Variants in DMXL1 observed in about 807,000 individuals in gnomAD.
DMXL1 encodes Dmx like 1.
DMXL1 carries 99 observed loss-of-function variants against 319.2 expected under a neutral mutation model. The observed-to-expected ratio is 0.31, with a 90% CI of 0.26 to 0.37. DMXL1 has a LOEUF of 0.37. Ranked by LOEUF, DMXL1 falls within the 10% of genes least tolerant of loss-of-function variation. The pLI, the probability that DMXL1 is intolerant of heterozygous loss-of-function variation, is 1.00. For missense variants in DMXL1, 3,745 were observed against 3,595.6 expected (o/e 1.04, Z -1.06); for synonymous variants, 1,385 against 1,235.2 (o/e 1.12, Z -2.54).
At chr5:119,098,200 G>A (rs1756418202) in intron 2 of DMXL1, 96 bp downstream of exon 2, 6 of 1,411,906 alleles carry the variant, frequency 4.2e-6, no homozygotes, top group Non-Finnish European at 5.7e-6. Context: ...TTAGAGACTT[G>A]GCTTTGTTTC....
chr5:119,133,379 A>C lies in DMXL1; in HGVS notation c.1563A>C (p.Gln521His). The part of the protein sequence containing the change: ...LDEYQPGMFR[Q>H]VQVSFVSRIP... ...AATACCAGCCTGGTATGTTTCGTCA[A>C]GTACAGGTACTACTGTTATTTCTGG... Residue 521 changes from glutamine to histidine, a missense_variant, in exon 11 of 44, where the codon CAA (glutamine) becomes CAC (histidine). Gln to His is a conservative substitution (Grantham distance 24). Around this residue, in one of 4 missense-constraint regions of DMXL1, gnomAD observed 2,096 missense variants for 1,985.4 expected, o/e 1.06. Transcript: ENST00000539542. 6.2e-7 allele frequency: 1 copy of C among 1,611,594 alleles called. No homozygotes were observed. Among genetic ancestry groups the C allele is most frequent in the Non-Finnish European group, 8.5e-7 (1 of 1,177,970 alleles).
rs1790139374 is a variant in DMXL1 at position 119,248,791 on chromosome 5, A to G, written c.*1572A>G. The G allele has an allele frequency of 6.6e-6, 1 of 152,516 alleles. No individual in the cohort carries two copies. Among genetic ancestry groups the G allele is most frequent in the Non-Finnish European group, 1.5e-5 (1 of 67,930 alleles). The allele number at this position is 152,516 out of a possible 1,614,324, so 9.4% of individuals were successfully genotyped here. A position where few individuals can be genotyped will look rare whatever the true frequency, so the allele number is the denominator to read the frequency against. ...CACTGTCATTATGTAGAGAGTTTAT[A>G]TGCACATAATAACCTGTACCTATAA... On this transcript the variant is annotated 3_prime_UTR_variant, in exon 44 of 44. Coordinates refer to ENST00000539542, the MANE Select transcript of DMXL1 (RefSeq NM_001290321.3).
intron 10 of DMXL1, among the ~76,000 whole-genome samples, chr5:119,130,407 A>G (rs541043359): frequency 1.3e-5 from 2 of 152,094 alleles, no homozygotes; most frequent in South Asian, 2.1e-4. Context: ...CAGTGGCACA[A>G]TCTTGGCTCA....
At chr5:119,128,873 G>A (rs1425483856) in intron 9 of DMXL1, among the ~76,000 whole-genome samples, 1 of 152,182 alleles carries the variant, frequency 6.6e-6, no homozygotes, top group East Asian at 1.9e-4. Flanking sequence ...AGACCATCTT[G>A]GCCAGCGTGG....
At chr5:119,202,433 A>T (rs1057331823) in intron 32 of DMXL1, among the ~76,000 whole-genome samples, 2 of 152,184 alleles carry the variant, frequency 1.3e-5, no homozygotes, top group African/African-American at 2.4e-5. Context: ...TCCCACTGCA[A>T]GTTGACAGTC....
chr5:119,245,567 G>A (rs946849880), intron 43 of DMXL1, among the ~76,000 whole-genome samples: 1 of 145,466 alleles, frequency 6.9e-6, no homozygotes, highest in Non-Finnish European at 1.5e-5. Context: ...TTGAGACGGA[G>A]TCTTACTCTG....
rs1469921840 is a variant in DMXL1, at chr5:119,170,214, C to G, written c.5423C>G (p.Pro1808Arg). Residue 1808 changes from proline (P) to arginine (R), a missense_variant, in exon 24 of 44, where the codon CCT becomes CGT. Physicochemically the swap from Pro to Arg is moderately radical, Grantham distance 103. Coordinates refer to ENST00000539542, the MANE Select transcript of DMXL1 (RefSeq NM_001290321.3). The part of the protein sequence containing the change: ...NDDQVLSASN[P>R]TVFNFYNYLR... ...GATCAAGTTTTATCAGCCAGTAATC[C>G]TACAGTTTTTAATTTCTACAATTAT... 6.2e-7 allele frequency: 1 copy of G among 1,602,666 alleles called. No individual in the cohort carries two copies. The highest frequency in any genetic ancestry group is 1.7e-5 in the Admixed American group (1 of 57,402).
At chr5:119,202,805 C>T (rs565795538) in intron 32 of DMXL1, among the ~76,000 whole-genome samples, 125 of 148,854 alleles carry the variant, frequency 8.4e-4, no homozygotes, top group African/African-American at 2.9e-3. Flanking sequence ...GAGCCAAGAT[C>T]GCCCTGTTGC....
chr5:119,121,717 A>G (rs530238399), intron 9 of DMXL1, among the ~76,000 whole-genome samples: 16 of 152,296 alleles, frequency 1.1e-4, no homozygotes, highest in Middle Eastern at 3.4e-3. Flanking sequence ...CGATTTCTCA[A>G]TCTTTTCCCC....
intron 1 of DMXL1, among the ~76,000 whole-genome samples, chr5:119,084,381 A>G (rs1419694033): frequency 2.6e-5 from 4 of 152,044 alleles, no homozygotes; most frequent in South Asian, 2.1e-4. Context: ...CAGCCTCCCA[A>G]AATGTTGGGA....
chr5:119,184,017 T>G (rs1777243839), intron 28 of DMXL1, among the ~76,000 whole-genome samples: 2 of 151,800 alleles, frequency 1.3e-5, no homozygotes, highest in South Asian at 4.2e-4. Flanking sequence ...AATGCAACAT[T>G]CATTTATCTG....
chr5:119,087,042 T>A (rs1753530967), intron 1 of DMXL1, among the ~76,000 whole-genome samples: 1 of 152,130 alleles, frequency 6.6e-6, no homozygotes, highest in African/African-American at 2.4e-5. Context: ...TTGTTTTGTC[T>A]TCTATTTAAT....
chr5:119,242,433 A>T (rs189374162), intron 42 of DMXL1, among the ~76,000 whole-genome samples: 2 of 152,234 alleles, frequency 1.3e-5, no homozygotes, highest in Non-Finnish European at 2.9e-5. Context: ...CAGGGTGTGT[A>T]TGCACAAAAC....
At chr5:119,115,734 A>G (rs908387084) in intron 6 of DMXL1, among the ~76,000 whole-genome samples, 5 of 152,316 alleles carry the variant, frequency 3.3e-5, no homozygotes, top group South Asian at 2.1e-4. Context: ...TTCACCATCA[A>G]CATTTTCTTT....
Position 119,134,103 on chromosome 5 carries a change from C to G in DMXL1, c.2179C>G (p.Arg727Gly). Residue 727 changes from arginine (R) to glycine (G), a missense_variant, in exon 12 of 44, where the codon CGG becomes GGG. Coordinates refer to ENST00000539542, the MANE Select transcript of DMXL1 (RefSeq NM_001290321.3). ...TTCTGGAGGAGTTTCTGAGCTTGCC[C>G]GGATTAATTCTCTTCATGTTTCTGC... is the stretch of plus-strand genomic sequence containing the variant. ...SFSGGVSELA[R>G]INSLHVSAFS... 6.2e-7 allele frequency: 1 copy of G among 1,613,978 alleles called. No homozygotes were observed. Among genetic ancestry groups the G allele is most frequent in the East Asian group, 2.2e-5 (1 of 44,886 alleles).
rs750405751 is a variant in DMXL1, at chr5:119,149,289, G to T, written c.3462G>T (p.Leu1154=). The T allele has an allele frequency of 3.1e-6, 5 of 1,613,816 alleles. No homozygotes were observed. The East Asian group carries it at 8.9e-5, about 29-fold the overall frequency. The change falls in exon 18 of 44, where the codon CTG becomes CTT. Residue 1154 remains leucine, a synonymous_variant. Coordinates refer to ENST00000539542, the MANE Select transcript of DMXL1 (RefSeq NM_001290321.3). The part of the protein sequence containing the change: ...WMSREDGSHI[L]TVGIGSKLFM... ...CTAGAGAAGACGGTTCTCATATCCT[G>T]ACTGTAGGAATTGGATCAAAACTTT...
At chr5:119,241,333 A>G (rs925349079) in intron 42 of DMXL1, among the ~76,000 whole-genome samples, 3 of 151,960 alleles carry the variant, frequency 2.0e-5, no homozygotes, top group Non-Finnish European at 4.4e-5. Context: ...AGATCTAGAC[A>G]ATCCTGGCTA....
intron 13 of DMXL1, among the ~76,000 whole-genome samples, chr5:119,135,515 T>C (rs1239041988): frequency 1.3e-5 from 2 of 152,218 alleles, no homozygotes; most frequent in South Asian, 2.1e-4. Flanking sequence ...GGCCGGAGCA[T>C]GTTTGGTATG....
At chr5:119,237,264 G>A in intron 39 of DMXL1, 58 bp from the exon 40 acceptor site, 1 of 1,053,100 alleles carries the variant, frequency 9.5e-7, no homozygotes, top group Non-Finnish European at 1.4e-6. Flanking sequence ...TGAGGGTAAG[G>A]ATAAATATAT....
Sources: allele counts gnomAD v4.1 joint callset (sites outside exome capture counted in the v4.1 genomes callset), GRCh38; gene constraint gnomAD v4.1.1; regional missense constraint gnomAD v4.1.1; transcripts MANE v1.5; gene names NCBI Gene and HGNC (gene_info 2026-07-23, HGNC 2026-07-21).